PRKD3: variants seen among roughly 807,000 people sequenced by gnomAD.
The protein encoded by PRKD3 is protein kinase D3.
In PRKD3, 47 loss-of-function variants were observed where a neutral mutation model predicts 99.2. The ratio of observed to expected loss-of-function variants is 0.47; its 90% CI spans 0.38 to 0.60. The LOEUF is 0.60. PRKD3 is among the 20% of genes least tolerant of loss of function. The pLI is 0.00. For missense variants in PRKD3, 1,019 were observed against 1,088.4 expected, an observed-to-expected ratio of 0.94 and a Z score of 0.90; for synonymous variants, 392 against 355.4, an observed-to-expected ratio of 1.10 and a Z score of -1.16.
chr2:37,259,384 A>G (rs2714470), intron 16 of PRKD3, among the ~76,000 whole-genome samples, 199 bp downstream of exon 16: 109,728 of 152,220 alleles, frequency 0.72, 40,406 homozygotes, highest in East Asian at 0.98. Context: ...ATCTTAAAAA[A>G]TCTTGAATAT....
rs1014394547 is a variant in PRKD3 at position 37,320,825 on chromosome 2, A to G, written c.-655-3646T>C. On this transcript the variant is annotated intron_variant, in intron 1 of 18. Transcript: ENST00000234179. ...TAGCCAAATAACAGTGTTTAATACAACTAATTTATCAGAACAAATTACAAC... is the reference window on the plus strand; with the variant it reads ...TAGCCAAATAACAGTGTTTAATACAGCTAATTTATCAGAACAAATTACAAC... Among the ~76,000 whole-genome samples the G allele has an allele frequency of 2.6e-5, 4 of 152,190 alleles. No individual in the cohort carries two copies. In the South Asian group the frequency reaches 6.2e-4, roughly 24 times the overall value.
intron 2 of PRKD3, among the ~76,000 whole-genome samples, chr2:37,300,947 G>C (rs374683641): frequency 1.3e-5 from 2 of 152,100 alleles, no homozygotes. Context: ...GTTTTGCCAC[G>C]TTTTTATAGT....
rs1396789487 is a variant in PRKD3, at chr2:37,260,286, T to A, written c.1983A>T (p.Glu661Asp). 6.2e-7 allele frequency: 1 copy of A among 1,610,572 alleles called. No individual in the cohort carries two copies. The highest frequency in any genetic ancestry group is 1.1e-5 in the South Asian group (1 of 90,988). ...GACTTTTCTCACTGGATAGAATCATTTCCAACATATCTCCATGCAGCTTTT... is the reference window on the plus strand; with the variant it reads ...GACTTTTCTCACTGGATAGAATCATATCCAACATATCTCCATGCAGCTTTT... ...VMEKLHGDML[E>D]MILSSEKSRL... is the part of the protein sequence containing the mutation. The change falls in exon 15 of 19, where the codon GAA becomes GAT. Residue 661 changes from glutamate (E) to aspartate (D), a missense_variant. Glu to Asp is a conservative substitution (Grantham distance 45). Coordinates refer to ENST00000234179, the MANE Select transcript of PRKD3 (RefSeq NM_005813.6).
chr2:37,285,572 G>A (rs992824213), intron 6 of PRKD3, among the ~76,000 whole-genome samples: 2 of 151,828 alleles, frequency 1.3e-5, no homozygotes, highest in Non-Finnish European at 2.9e-5. Context: ...ATATGTGTGT[G>A]TAATAAATGT....
Position 37,253,102 on chromosome 2 carries a change from CTACAAAGAA to C in PRKD3, c.*66_*74del. 1.4e-6 allele frequency: 2 copies of C among 1,419,852 alleles called. No individual in the cohort carries two copies. Among genetic ancestry groups the C allele is most frequent in the East Asian group, 4.6e-5 (2 of 43,252 alleles). The allele number at this position is 1,419,852 out of a possible 1,614,324, so 88.0% of individuals were successfully genotyped here. A position where few individuals can be genotyped will look rare whatever the true frequency, so the allele number is the denominator to read the frequency against. On this transcript the variant is annotated 3_prime_UTR_variant, in exon 19 of 19. Transcript: ENST00000234179. ...TCTTTGCAGCACTGCAGATGACAAT[CTACAAAGAA>C]CAAGTTACACAGCAAAATATCAGTC...
intron 2 of PRKD3, among the ~76,000 whole-genome samples, chr2:37,311,557 T>C (rs1415370844): frequency 6.6e-6 from 1 of 152,140 alleles, no homozygotes; most frequent in East Asian, 1.9e-4. Context: ...CTCTGCAAAC[T>C]GCCACCAGGG....
chr2:37,317,361 T>A (rs1188615297), intron 1 of PRKD3, among the ~76,000 whole-genome samples, 182 bp from the exon 2 acceptor site: 1 of 152,180 alleles, frequency 6.6e-6, no homozygotes. Context: ...AAGTATAATT[T>A]CAGGGAGAGG....
At chr2:37,274,110 C>G (rs1248373227) in intron 11 of PRKD3, among the ~76,000 whole-genome samples, 1 of 152,162 alleles carries the variant, frequency 6.6e-6, no homozygotes, top group Non-Finnish European at 1.5e-5. Flanking sequence ...TTAATACTGA[C>G]AACCTTATGA....
chr2:37,292,266 G>C (rs528353213), intron 3 of PRKD3, among the ~76,000 whole-genome samples: 2 of 152,174 alleles, frequency 1.3e-5, no homozygotes, highest in Non-Finnish European at 2.9e-5. Flanking sequence ...ACTCAGAGAA[G>C]AGTATATTTC....
chr2:37,315,306 C>T (rs761327990), intron 2 of PRKD3, among the ~76,000 whole-genome samples: 28 of 152,100 alleles, frequency 1.8e-4, no homozygotes, highest in Non-Finnish European at 3.1e-4. Flanking sequence ...CTTAAGAAAA[C>T]GGCACGGTAC....
intron 2 of PRKD3, among the ~76,000 whole-genome samples, chr2:37,294,944 GCA>G (rs1670608482): frequency 1.3e-5 from 2 of 152,126 alleles, no homozygotes; most frequent in African/African-American, 4.8e-5. Flanking sequence ...GTGTGGTGGT[GCA>G]TGCCTGTAGT....
intron 12 of PRKD3, 60 bp downstream of exon 12, chr2:37,272,320 A>T (rs1427666373): frequency 6.3e-7 from 1 of 1,581,200 alleles, no homozygotes; most frequent in Non-Finnish European, 8.6e-7. Context: ...AAAGATTTTC[A>T]CCTTTTATTT....
intron 2 of PRKD3, among the ~76,000 whole-genome samples, chr2:37,293,671 A>T (rs899231873): frequency 1.3e-5 from 2 of 152,232 alleles, no homozygotes; most frequent in Non-Finnish European, 2.9e-5. Context: ...TCTCAGAATT[A>T]TAAATGCTCA....
intron 14 of PRKD3, among the ~76,000 whole-genome samples, chr2:37,261,875 C>A (rs1383779302): frequency 6.6e-6 from 1 of 152,212 alleles, no homozygotes; most frequent in Non-Finnish European, 1.5e-5. Context: ...TGCATTCATT[C>A]AGTAAAAAAC....
In PRKD3 at chr2:37,312,463, CAAGTCA is replaced by C. The variant is rs201155618; in HGVS notation, c.288+3768_288+3773del. Among the ~76,000 whole-genome samples the C allele has an allele frequency of 1.4e-4, 21 of 152,298 alleles. 1 individual carries two copies. In the East Asian group the frequency reaches 4.0e-3, roughly 29 times the overall value. ...AGCTTTTCTATCGTACTACATATTT[CAAGTCA>C]AAGTCTTGTTATAGCTCTGCCTTCT... On this transcript the variant is annotated intron_variant, in intron 2 of 18. Transcript: ENST00000234179.
rs140074259 is a variant in PRKD3 at position 37,256,998 on chromosome 2, T to C, written c.2146-69A>G. The C allele has an allele frequency of 1.0e-5, 15 of 1,492,704 alleles. No homozygotes were observed. In the African/African-American group the frequency reaches 1.5e-4, roughly 15 times the overall value. The allele number at this position is 1,492,704 out of a possible 1,614,324, so 92.5% of individuals were successfully genotyped here. A position where few individuals can be genotyped will look rare whatever the true frequency, so the allele number is the denominator to read the frequency against. ...ATATGTAACTACCTGTCCCTAAATA[T>C]AACACTGTATGTATCATTTCAACAT... On this transcript the variant is annotated intron_variant, in intron 16 of 18. Coordinates refer to ENST00000234179, the MANE Select transcript of PRKD3 (RefSeq NM_005813.6).
At chr2:37,282,776 C>G (rs771515246) in intron 6 of PRKD3, among the ~76,000 whole-genome samples, 157 bp from the exon 7 acceptor site, 1 of 151,610 alleles carries the variant, frequency 6.6e-6, no homozygotes, top group Non-Finnish European at 1.5e-5. Context: ...CCCTCTGCAC[C>G]CCCCCATCAT....
At chr2:37,279,659 C>T in intron 8 of PRKD3, 87 bp downstream of exon 8, 1 of 916,872 alleles carries the variant, frequency 1.1e-6, no homozygotes, top group Non-Finnish European at 1.5e-6. Context: ...CTTTTAAGGT[C>T]CCACTTAAAG....
At chr2:37,275,153 T>C (rs1158995040) in intron 10 of PRKD3, among the ~76,000 whole-genome samples, 3 of 152,018 alleles carry the variant, frequency 2.0e-5, no homozygotes, top group Non-Finnish European at 2.9e-5. Flanking sequence ...TGGAGTAACC[T>C]GTAGCAATCA....
Sources: gnomAD v4.1 joint callset for allele counts (sites outside exome capture counted in the v4.1 genomes callset) on GRCh38, gnomAD v4.1.1 for gene constraint, MANE v1.5 for transcripts, NCBI Gene and HGNC (gene_info 2026-07-23, HGNC 2026-07-21) for gene names.